SYTL3: variants seen among roughly 807,000 people sequenced by gnomAD.
The protein encoded by SYTL3 is synaptotagmin like 3, also known as synaptotagmin-like protein 3.
SYTL3 carries 88 observed loss-of-function variants against 82.1 expected under a neutral mutation model. The observed-to-expected ratio is 1.07, with a 90% CI of 0.90 to 1.28. SYTL3 has a LOEUF of 1.28. Ranked by LOEUF, SYTL3 falls within the 50% of genes most tolerant of loss-of-function variation. The pLI, the probability that SYTL3 is intolerant of heterozygous loss-of-function variation, is 0.00. For synonymous variants in SYTL3, 311 were observed against 289.4 expected (o/e 1.07, Z -0.76); for missense variants, 831 against 757.6 (o/e 1.10, Z -1.14).
At chr6:158,727,238 C>A (rs1784844041) in intron 11 of SYTL3, among the ~76,000 whole-genome samples, 1 of 151,588 alleles carries the variant, frequency 6.6e-6, no homozygotes, top group African/African-American at 2.4e-5. Flanking sequence ...AGGCTGGTGC[C>A]ATCTCAGCTC....
intron 14 of SYTL3, among the ~76,000 whole-genome samples, chr6:158,758,409 G>A (rs966138153): frequency 6.7e-6 from 1 of 148,770 alleles, no homozygotes; most frequent in Non-Finnish European, 1.5e-5. Flanking sequence ...CTGCACTTCA[G>A]CCTGGCAACA....
At chr6:158,733,825 C>T (rs953709890) in intron 11 of SYTL3, among the ~76,000 whole-genome samples, 14 of 150,210 alleles carry the variant, frequency 9.3e-5, no homozygotes, top group South Asian at 2.1e-4. Context: ...TGGCCGGGCG[C>T]GGTGGCTCAC....
At chr6:158,711,967 C>G (rs983611330) in intron 8 of SYTL3, among the ~76,000 whole-genome samples, 6 of 152,322 alleles carry the variant, frequency 3.9e-5, no homozygotes, top group Non-Finnish European at 8.8e-5. Context: ...CCCATCTCAT[C>G]CTGTGACTTA....
intron 12 of SYTL3, among the ~76,000 whole-genome samples, chr6:158,747,899 T>G (rs1787876502): frequency 6.6e-6 from 1 of 152,158 alleles, no homozygotes. Context: ...ATTGTACGTA[T>G]TTTATCCATC....
chr6:158,677,747 AAAAAT>A (rs1452657039), intron 5 of SYTL3, among the ~76,000 whole-genome samples: 35 of 150,582 alleles, frequency 2.3e-4, no homozygotes, highest in African/African-American at 8.0e-4. Context: ...TTGAAATAAA[AAAAAT>A]AAAAATCCAA....
intron 6 of SYTL3, among the ~76,000 whole-genome samples, chr6:158,690,294 G>C (rs868066327): frequency 6.6e-6 from 1 of 152,258 alleles, no homozygotes; most frequent in Non-Finnish European, 1.5e-5. Flanking sequence ...TGCTGTTAGA[G>C]GGAGTAGTGT....
Position 158,665,532 on chromosome 6 carries a change from G to A in SYTL3, c.248G>A (p.Cys83Tyr). Residue 83 changes from cysteine (C) to tyrosine (Y), a missense_variant, in exon 5 of 18, where the codon TGC (cysteine) becomes TAC (tyrosine). Physicochemically the swap from Cys to Tyr is radical, Grantham distance 194. Transcript: ENST00000611299. ...LLHRGAVCRGCSHRVCAQCRV... is the reference protein window; with the variant it reads ...LLHRGAVCRGYSHRVCAQCRV... ...CACCGGGGCGCCGTGTGCCGGGGCT[G>A]CAGCCACCGCGTGTGTGCCCAGTGC... is the stretch of plus-strand genomic sequence containing the variant. 6.3e-7 allele frequency: 1 copy of A among 1,589,816 alleles called. No homozygotes were observed. Among genetic ancestry groups the A allele is most frequent in the Non-Finnish European group, 8.6e-7 (1 of 1,169,010 alleles).
chr6:158,679,943 C>T (rs1048309521), intron 5 of SYTL3, among the ~76,000 whole-genome samples: 1 of 152,132 alleles, frequency 6.6e-6, no homozygotes, highest in Non-Finnish European at 1.5e-5. Flanking sequence ...TGTAGCGTCT[C>T]AGATATGGAT....
chr6:158,712,851 C>G (rs527343713), intron 8 of SYTL3, among the ~76,000 whole-genome samples: 2 of 151,504 alleles, frequency 1.3e-5, no homozygotes. Context: ...CTCCGCCTCC[C>G]GGGTTCACAC....
At chr6:158,758,028 G>A (rs1389218290) in intron 14 of SYTL3, among the ~76,000 whole-genome samples, 1 of 152,184 alleles carries the variant, frequency 6.6e-6, no homozygotes, top group Non-Finnish European at 1.5e-5. Context: ...TGGGAGAGAG[G>A]TTAGCATTTC....
At chr6:158,741,804 C>G (rs1170923740) in intron 11 of SYTL3, among the ~76,000 whole-genome samples, 1 of 152,172 alleles carries the variant, frequency 6.6e-6, no homozygotes, top group African/African-American at 2.4e-5. Flanking sequence ...ACCCACTTAT[C>G]GAGCTTTTTC....
chr6:158,696,183 C>G (rs6926494), intron 6 of SYTL3, among the ~76,000 whole-genome samples: 3 of 151,998 alleles, frequency 2.0e-5, no homozygotes, highest in African/African-American at 7.3e-5. Context: ...TTTTCACAAC[C>G]ACACTAACAC....
At chr6:158,650,923 C>G (rs1787931047) in intron 1 of SYTL3, among the ~76,000 whole-genome samples, 1 of 152,078 alleles carries the variant, frequency 6.6e-6, no homozygotes, top group Non-Finnish European at 1.5e-5. Flanking sequence ...TGCAATCCAG[C>G]CTGGGCAACA....
At chr6:158,693,991 C>A (rs1382344232) in intron 6 of SYTL3, among the ~76,000 whole-genome samples, 1 of 151,674 alleles carries the variant, frequency 6.6e-6, no homozygotes, top group East Asian at 1.9e-4. Context: ...CTGTGCCTGG[C>A]CTGCTTTTAT....
At chr6:158,653,696 T>C (rs1788323142) in intron 2 of SYTL3, among the ~76,000 whole-genome samples, 1 of 152,194 alleles carries the variant, frequency 6.6e-6, no homozygotes, top group Non-Finnish European at 1.5e-5. Context: ...TGCCGCCCGC[T>C]TGAAATGACC....
chr6:158,700,911 T>C (rs558131910), intron 6 of SYTL3, among the ~76,000 whole-genome samples: 34 of 152,292 alleles, frequency 2.2e-4, no homozygotes, highest in South Asian at 2.1e-4. Context: ...CCACCGCACC[T>C]GGCCTGTTGT....
intron 11 of SYTL3, among the ~76,000 whole-genome samples, chr6:158,735,246 T>C (rs1785996047): frequency 6.6e-6 from 1 of 152,130 alleles, no homozygotes; most frequent in Non-Finnish European, 1.5e-5. Flanking sequence ...AATTTGTTTT[T>C]AACAGCCCCA....
At chr6:158,744,011 C>G (rs1262311913) in intron 11 of SYTL3, among the ~76,000 whole-genome samples, 1 of 151,838 alleles carries the variant, frequency 6.6e-6, no homozygotes, top group South Asian at 2.1e-4. Context: ...CTCTGCCTCC[C>G]AGGTTAAAGC....
At position 158,704,907 on chromosome 6, in the gene SYTL3, CCAGGGCAGGG is replaced by C. The variant is rs1471545672; in HGVS notation, c.395-2322_395-2313del. On this transcript the variant is annotated intron_variant, in intron 6 of 17. Transcript: ENST00000611299. Reference sequence around the variant, plus strand: ...TAAGGCCACATAGGGCAGGAGGGACCCAGGGCAGGGTGACAGTGAGGGCTGTAAGGCCACA... The same window carrying C: ...TAAGGCCACATAGGGCAGGAGGGACCTGACAGTGAGGGCTGTAAGGCCACA... 2.4e-3 allele frequency among the ~76,000 whole-genome samples: 82 copies of C among 33,882 alleles called. 11 individuals are homozygous for C. The highest frequency in any genetic ancestry group is 0.017 in the Middle Eastern group (1 of 58). The allele number at this position is 33,882 out of a possible 152,430, so 22.2% of individuals were successfully genotyped here.
Sources: allele counts gnomAD v4.1 joint callset (sites outside exome capture counted in the v4.1 genomes callset), GRCh38; gene constraint gnomAD v4.1.1; transcripts MANE v1.5; gene names NCBI Gene and HGNC (gene_info 2026-07-23, HGNC 2026-07-21).